ATRNL1: variants seen among roughly 807,000 people sequenced by gnomAD.
ATRNL1 encodes the protein attractin-like protein 1.
ATRNL1 carries 95 observed loss-of-function variants against 182.7 expected under a neutral mutation model. The observed-to-expected ratio is 0.52, with a 90% CI of 0.44 to 0.62. ATRNL1 has a LOEUF of 0.62. ATRNL1 is among the 20% of genes least tolerant of loss of function. The pLI is 0.00. For missense variants in ATRNL1, 1,471 were observed against 1,679.5 expected (o/e 0.88, Z 2.17); for synonymous variants, 576 against 568.3 (o/e 1.01, Z -0.19).
chr10:115,389,500 C>CA (rs71010019), intron 19 of ATRNL1, among the ~76,000 whole-genome samples: 14,892 of 72,618 alleles, frequency 0.21, 2,620 homozygotes, highest in African/African-American at 0.26. Context: ...GACTCCGTCT[C>CA]AAAAAAAAAA....
chr10:115,684,984 G>A (rs1434699049), intron 26 of ATRNL1, among the ~76,000 whole-genome samples: 3 of 151,682 alleles, frequency 2.0e-5, no homozygotes, highest in South Asian at 4.1e-4. Context: ...CATATAAGAA[G>A]TAAGTAGTTA....
chr10:115,500,791 T>G (rs1296998688), intron 24 of ATRNL1, among the ~76,000 whole-genome samples: 2 of 151,858 alleles, frequency 1.3e-5, no homozygotes, highest in African/African-American at 4.8e-5. Flanking sequence ...TCCGCCTGCC[T>G]CGGCGTCCCA....
In ATRNL1 at chr10:115,120,123, C is replaced by A. The variant is rs185127269; in HGVS notation, c.294-62C>A. On this transcript the variant is annotated intron_variant, in intron 1 of 28. Coordinates refer to ENST00000355044, the MANE Select transcript of ATRNL1 (RefSeq NM_207303.4). The stretch of plus-strand genomic sequence containing the variant: ...TTAATGACTTTTAAATTTTCTTATC[C>A]TGCTATATGTCTTAAAGTTATTTTA... 23 of 957,384 alleles carry A rather than the reference C, an allele frequency of 2.4e-5. No homozygotes were observed. In the East Asian group the frequency reaches 2.7e-4, roughly 11 times the overall value. The allele number at this position is 957,384 out of a possible 1,614,324, so 59.3% of individuals were successfully genotyped here. A position where few individuals can be genotyped will look rare whatever the true frequency, so the allele number is the denominator to read the frequency against.
chr10:115,633,290 T>G (rs547385736), intron 26 of ATRNL1, among the ~76,000 whole-genome samples: 5 of 152,306 alleles, frequency 3.3e-5, no homozygotes, highest in African/African-American at 1.2e-4. Flanking sequence ...GGATAACCAC[T>G]TCTATCTTGA....
chr10:115,644,939 T>C (rs781830818), intron 26 of ATRNL1, among the ~76,000 whole-genome samples: 6 of 152,138 alleles, frequency 3.9e-5, no homozygotes, highest in Non-Finnish European at 8.8e-5. Flanking sequence ...CTAAAATTTC[T>C]CGTGAAATAG....
chr10:115,494,133 T>C (rs1592736867), intron 24 of ATRNL1, among the ~76,000 whole-genome samples: 1 of 152,302 alleles, frequency 6.6e-6, no homozygotes, highest in South Asian at 2.1e-4. Context: ...TCAAAAATTT[T>C]GTCAATTTTT....
intron 26 of ATRNL1, among the ~76,000 whole-genome samples, chr10:115,591,820 C>T (rs1298964277): frequency 6.6e-6 from 1 of 152,140 alleles, no homozygotes; most frequent in Non-Finnish European, 1.5e-5. Flanking sequence ...CCCATTACTG[C>T]ACATGTATCC....
chr10:115,171,912 T>A (rs1847310301), intron 8 of ATRNL1, among the ~76,000 whole-genome samples: 1 of 152,076 alleles, frequency 6.6e-6, no homozygotes, highest in Admixed American at 6.6e-5. Flanking sequence ...TCTTTATTGT[T>A]TTTAGTTTGT....
chr10:115,791,737 C>CA (rs1949536607), intron 27 of ATRNL1, among the ~76,000 whole-genome samples: 1 of 152,042 alleles, frequency 6.6e-6, no homozygotes, highest in East Asian at 1.9e-4. Context: ...CATCTCTTTC[C>CA]AACCTTTCTT....
intron 26 of ATRNL1, among the ~76,000 whole-genome samples, chr10:115,713,364 A>C (rs1411373353): frequency 6.6e-6 from 1 of 152,138 alleles, no homozygotes; most frequent in African/African-American, 2.4e-5. Flanking sequence ...CAAACTTTAA[A>C]TAAACAAGCA....
At chr10:115,385,727 A>G (rs1387177931) in intron 19 of ATRNL1, among the ~76,000 whole-genome samples, 3 of 152,192 alleles carry the variant, frequency 2.0e-5, no homozygotes, top group Non-Finnish European at 2.9e-5. Flanking sequence ...AATTCTGAGT[A>G]AAATTTGTGT....
intron 3 of ATRNL1, among the ~76,000 whole-genome samples, chr10:115,125,946 T>C (rs1197211353): frequency 6.6e-6 from 1 of 152,256 alleles, no homozygotes; most frequent in African/African-American, 2.4e-5. Context: ...GTCATTTTAC[T>C]AGATTTCAGT....
chr10:115,477,060 T>A (rs1188197206), intron 24 of ATRNL1, among the ~76,000 whole-genome samples: 6 of 151,564 alleles, frequency 4.0e-5, no homozygotes, highest in African/African-American at 1.5e-4. Flanking sequence ...TAAAATATGC[T>A]TTCTTATACT....
At chr10:115,445,044 T>C (rs1846892225) in intron 21 of ATRNL1, among the ~76,000 whole-genome samples, 1 of 151,960 alleles carries the variant, frequency 6.6e-6, no homozygotes, top group Non-Finnish European at 1.5e-5. Flanking sequence ...AAATTATTAT[T>C]ATATTGTTCT....
chr10:115,540,152 A>AATAAATAT (rs1565148317), intron 25 of ATRNL1, among the ~76,000 whole-genome samples: 12 of 147,586 alleles, frequency 8.1e-5, no homozygotes, highest in African/African-American at 1.5e-4. Context: ...TAAATAAATA[A>AATAAATAT]ATATATAGTG....
At chr10:115,103,358 C>G (rs1554865117) in intron 1 of ATRNL1, among the ~76,000 whole-genome samples, 3 of 151,734 alleles carry the variant, frequency 2.0e-5, no homozygotes, top group African/African-American at 7.3e-5. Flanking sequence ...GATTTTATAC[C>G]AAAATATTTT....
intron 24 of ATRNL1, among the ~76,000 whole-genome samples, chr10:115,480,507 C>A: frequency 6.6e-6 from 1 of 150,758 alleles, no homozygotes; most frequent in East Asian, 1.9e-4. Flanking sequence ...ACCAAGGTAA[C>A]ATAAATTCAA....
At chr10:115,158,096 C>T (rs1846607907) in intron 5 of ATRNL1, among the ~76,000 whole-genome samples, 1 of 151,936 alleles carries the variant, frequency 6.6e-6, no homozygotes, top group South Asian at 2.1e-4. Context: ...ATCTGAATGT[C>T]CGTTTCCCAG....
chr10:115,296,495 A>G (rs1853199272), intron 15 of ATRNL1, among the ~76,000 whole-genome samples: 1 of 152,162 alleles, frequency 6.6e-6, no homozygotes, highest in Non-Finnish European at 1.5e-5. Flanking sequence ...AAATATATTA[A>G]TATTAGCATG....
Sources: gnomAD v4.1 joint callset for allele counts (sites outside exome capture counted in the v4.1 genomes callset) on GRCh38, gnomAD v4.1.1 for gene constraint, MANE v1.5 for transcripts, NCBI Gene and HGNC (gene_info 2026-07-23, HGNC 2026-07-21) for gene names.